The following DIRAS2 variants were observed in gnomAD, a reference collection of about 807,000 sequenced individuals.
The protein encoded by DIRAS2 is DIRAS family GTPase 2.
Under a neutral mutation model 13.9 loss-of-function variants are expected in DIRAS2, and 5 were observed. That is an observed-to-expected ratio of 0.36 (90% CI 0.19 to 0.76). DIRAS2 has a LOEUF of 0.76. DIRAS2 is among the 30% of genes least tolerant of loss of function. The pLI is 0.53. For synonymous variants in DIRAS2, 111 were observed against 105.4 expected, an observed-to-expected ratio of 1.05 and a Z score of -0.33; for missense variants, 191 against 263.0, an observed-to-expected ratio of 0.73 and a Z score of 1.89.
At chr9:90,641,497 A>G (rs1035305068) in intron 1 of DIRAS2, among the ~76,000 whole-genome samples, 2 of 152,176 alleles carry the variant, frequency 1.3e-5, no homozygotes, top group Non-Finnish European at 2.9e-5. Flanking sequence ...AAAATGAACT[A>G]TGTGTCTTCC....
chr9:90,618,519 T>C (rs908301095), intron 1 of DIRAS2, among the ~76,000 whole-genome samples: 1 of 152,208 alleles, frequency 6.6e-6, no homozygotes, highest in Non-Finnish European at 1.5e-5. Context: ...TTTTCTTAGA[T>C]GTGACACCAA....
At chr9:90,638,046 TA>T (rs1825386337) in intron 1 of DIRAS2, among the ~76,000 whole-genome samples, 1 of 152,260 alleles carries the variant, frequency 6.6e-6, no homozygotes, top group Admixed American at 6.5e-5. Context: ...AATTTCTGTA[TA>T]TCCAATTTAA....
In DIRAS2 at chr9:90,613,182, G is replaced by T; in HGVS notation, c.*46C>A. 1 of 1,574,092 alleles carries T rather than the reference G, an allele frequency of 6.4e-7. No homozygotes were observed. The highest frequency in any genetic ancestry group is 8.6e-7 in the Non-Finnish European group (1 of 1,160,756). ...CGACGGTGGGTGTCATTTTGGGGGA[G>T]TGAGGTGCCGGGGACACACAGCTGC... On this transcript the variant is annotated 3_prime_UTR_variant, in exon 2 of 2. Coordinates refer to ENST00000375765, the MANE Select transcript of DIRAS2 (RefSeq NM_017594.5). This position sits in a 1 kb window ranked among gnomAD's most constrained non-coding sequence, Gnocchi z 5.6.
At chr9:90,623,861 G>A (rs1156515104) in intron 1 of DIRAS2, among the ~76,000 whole-genome samples, 1 of 152,188 alleles carries the variant, frequency 6.6e-6, no homozygotes, top group Non-Finnish European at 1.5e-5. Context: ...GTGATACAAT[G>A]AGACCCTGTC....
chr9:90,625,794 A>G (rs961573853), intron 1 of DIRAS2: 1 of 152,204 alleles, frequency 6.6e-6, no homozygotes, highest in African/African-American at 2.4e-5. Context: ...TTTTATCTAT[A>G]TGAGGCCCTT....
chr9:90,624,886 C>T (rs755101294), intron 1 of DIRAS2, among the ~76,000 whole-genome samples: 50 of 152,080 alleles, frequency 3.3e-4, no homozygotes, highest in Non-Finnish European at 5.1e-4. Flanking sequence ...CTCAGCCTCC[C>T]GACGTGTTGG....
chr9:90,619,707 GATA>G (rs1189857555), intron 1 of DIRAS2, among the ~76,000 whole-genome samples: 5 of 152,232 alleles, frequency 3.3e-5, no homozygotes, highest in Admixed American at 2.0e-4. Context: ...ATATACCCAT[GATA>G]AATAAAAACA....
intron 1 of DIRAS2, among the ~76,000 whole-genome samples, chr9:90,638,632 G>T (rs1825391827): frequency 7.1e-6 from 1 of 140,028 alleles, no homozygotes; most frequent in Admixed American, 6.9e-5. Context: ...ATACTCCATT[G>T]ATCATGTGTG....
At chr9:90,641,182 C>T (rs998740880) in intron 1 of DIRAS2, among the ~76,000 whole-genome samples, 11 of 152,196 alleles carry the variant, frequency 7.2e-5, no homozygotes, top group African/African-American at 2.2e-4. Context: ...TAGACACAAG[C>T]TGAAAAGTGA....
intron 1 of DIRAS2, among the ~76,000 whole-genome samples, chr9:90,627,153 T>C (rs1427920833): frequency 2.0e-5 from 3 of 152,188 alleles, no homozygotes; most frequent in Non-Finnish European, 4.4e-5. Flanking sequence ...GTGAAGTGCC[T>C]GCTCCCTTTT....
At chr9:90,633,818 G>A (rs1041498787) in intron 1 of DIRAS2, among the ~76,000 whole-genome samples, 2 of 152,166 alleles carry the variant, frequency 1.3e-5, no homozygotes, top group Non-Finnish European at 2.9e-5. Context: ...GGCACCACAG[G>A]GTAGAAGAAG....
intron 1 of DIRAS2, among the ~76,000 whole-genome samples, chr9:90,636,518 G>A (rs1199406793): frequency 6.6e-6 from 1 of 152,120 alleles, no homozygotes. Context: ...TCTACAATGT[G>A]GTAACTTCAT....
chr9:90,616,575 A>G (rs1304630284), intron 1 of DIRAS2, among the ~76,000 whole-genome samples: 1 of 152,110 alleles, frequency 6.6e-6, no homozygotes, highest in Non-Finnish European at 1.5e-5. Flanking sequence ...TTCAATGTGC[A>G]TTTATGAGAT....
intron 1 of DIRAS2, among the ~76,000 whole-genome samples, chr9:90,619,115 G>A (rs1825195736): frequency 6.6e-6 from 1 of 152,254 alleles, no homozygotes; most frequent in African/African-American, 2.4e-5. Flanking sequence ...CTCCAGCCTA[G>A]CAACAGAGTG....
chr9:90,632,496 A>G (rs1288920558), intron 1 of DIRAS2, among the ~76,000 whole-genome samples: 1 of 152,162 alleles, frequency 6.6e-6, no homozygotes, highest in African/African-American at 2.4e-5. Context: ...TTTCAACCCT[A>G]TCTTCAACCC....
chr9:90,628,496 T>G (rs187607668), intron 1 of DIRAS2, among the ~76,000 whole-genome samples: 8 of 150,764 alleles, frequency 5.3e-5, no homozygotes, highest in Non-Finnish European at 8.8e-5. Context: ...GGATAATATA[T>G]GAAATGCAAA....
Position 90,612,851 on chromosome 9 carries a change from ACTCTAGGTTAACACG to A in DIRAS2, c.*362_*376del, listed in dbSNP as rs1346208418. Reference sequence around the variant, plus strand: ...CTTCTGTCTGGGGTTGGTGCAGGTAACTCTAGGTTAACACGCTCTCACATGCACGTAGATGACATT... The same window carrying A: ...CTTCTGTCTGGGGTTGGTGCAGGTAACTCTCACATGCACGTAGATGACATT... On this transcript the variant is annotated 3_prime_UTR_variant, in exon 2 of 2. Transcript: ENST00000375765. 2 of 217,088 alleles carry A rather than the reference ACTCTAGGTTAACACG, an allele frequency of 9.2e-6. No homozygotes were observed. Among genetic ancestry groups the A allele is most frequent in the Non-Finnish European group, 1.8e-5 (2 of 108,260 alleles). The allele number at this position is 217,088 out of a possible 1,614,324, so 13.4% of individuals were successfully genotyped here.
chr9:90,621,559 AT>A (rs1313927872), intron 1 of DIRAS2, among the ~76,000 whole-genome samples: 1 of 152,256 alleles, frequency 6.6e-6, no homozygotes, highest in Non-Finnish European at 1.5e-5. Flanking sequence ...ACAAAAAAAA[AT>A]TGACACAATG....
At position 90,613,191 on chromosome 9, in the gene DIRAS2, C is replaced by T. The variant is rs367960991; in HGVS notation, c.*37G>A. ...GTGTCATTTTGGGGGAGTGAGGTGC[C>T]GGGGACACACAGCTGCTCCTCCCGC... On this transcript the variant is annotated 3_prime_UTR_variant, in exon 2 of 2. Transcript: ENST00000375765. The surrounding 1 kb of genome is among the most constrained non-coding windows in gnomAD (Gnocchi z 5.6). 12 of 1,582,308 alleles carry T rather than the reference C, an allele frequency of 7.6e-6. No homozygotes were observed. In the Admixed American group the frequency reaches 1.6e-4, roughly 20 times the overall value.
Sources: gnomAD v4.1 joint callset for allele counts (sites outside exome capture counted in the v4.1 genomes callset) on GRCh38, gnomAD v4.1.1 for gene constraint, Gnocchi (gnomAD v3.1) non-coding constraint, MANE v1.5 for transcripts, NCBI Gene and HGNC (gene_info 2026-07-23, HGNC 2026-07-21) for gene names.